FMNL2: variants seen among roughly 807,000 people sequenced by gnomAD.
FMNL2 encodes the protein formin-like protein 2.
FMNL2 carries 51 observed loss-of-function variants against 130.2 expected under a neutral mutation model. The observed-to-expected ratio is 0.39, with a 90% confidence interval of 0.31 to 0.49. The LOEUF (loss-of-function observed/expected upper bound fraction) is 0.49. FMNL2 is among the 20% of genes least tolerant of loss of function. FMNL2 has a pLI of 0.85. For missense variants in FMNL2, 977 were observed against 1,316.2 expected, an observed-to-expected ratio of 0.74 and a Z score of 3.99; for synonymous variants, 465 against 467.1, an observed-to-expected ratio of 1.00 and a Z score of 0.06.
At chr2:152,460,912 A>G (rs1218249114) in intron 1 of FMNL2, among the ~76,000 whole-genome samples, 2 of 152,204 alleles carry the variant, frequency 1.3e-5, no homozygotes, top group South Asian at 2.1e-4. Context: ...TATATATTAC[A>G]ATGTAATAAT....
chr2:152,429,076 T>G (rs1049359080), intron 1 of FMNL2, among the ~76,000 whole-genome samples: 2 of 151,942 alleles, frequency 1.3e-5, no homozygotes, highest in South Asian at 2.1e-4. Context: ...AGCTAATGGA[T>G]GCTGGGCTTA....
intron 8 of FMNL2, 69 bp downstream of exon 8, chr2:152,579,033 C>A: frequency 1.6e-6 from 2 of 1,252,512 alleles, no homozygotes; most frequent in South Asian, 2.6e-5. Context: ...CAACACTTAA[C>A]CAAGTTTGAC....
intron 4 of FMNL2, among the ~76,000 whole-genome samples, chr2:152,557,117 A>G (rs1192788613): frequency 1.3e-5 from 2 of 152,200 alleles, no homozygotes; most frequent in Non-Finnish European, 2.9e-5. Flanking sequence ...TCTAATTACT[A>G]GTATTTAAAC....
intron 1 of FMNL2, among the ~76,000 whole-genome samples, chr2:152,441,572 C>A (rs548708970): frequency 6.6e-6 from 1 of 151,474 alleles, no homozygotes; most frequent in Non-Finnish European, 1.5e-5. Context: ...CGTGGTGGTT[C>A]ATGCCTGTAA....
chr2:152,522,020 T>C lies in FMNL2; in HGVS notation c.195T>C (p.Cys65=). 6.2e-7 allele frequency: 1 copy of C among 1,609,442 alleles called. No individual in the cohort carries two copies. The highest frequency in any genetic ancestry group is 1.3e-5 in the African/African-American group (1 of 74,734). Residue 65 remains cysteine (C), a synonymous_variant, in exon 2 of 26, where the codon TGT becomes TGC. Transcript: ENST00000288670. ...YDNEKKWELI[C]DQERFQVKNP... is the part of the protein sequence containing the mutation. Reference sequence around the variant, plus strand: ...ATGAGAAAAAATGGGAACTGATTTGTGATCAGGTAAGAAACAGTGACACTT... The same window carrying C: ...ATGAGAAAAAATGGGAACTGATTTGCGATCAGGTAAGAAACAGTGACACTT...
intron 1 of FMNL2, among the ~76,000 whole-genome samples, chr2:152,367,073 G>GTT (rs1553869243): frequency 3.1e-4 from 27 of 88,222 alleles, no homozygotes; most frequent in Admixed American, 1.5e-3. Context: ...GTGTGTGTGT[G>GTT]TTTGTTTTTT....
chr2:152,441,881 G>C (rs1688069693), intron 1 of FMNL2, among the ~76,000 whole-genome samples: 1 of 151,988 alleles, frequency 6.6e-6, no homozygotes, highest in East Asian at 1.9e-4. Flanking sequence ...AGTTAAAATA[G>C]ATGAGAACTG....
intron 11 of FMNL2, among the ~76,000 whole-genome samples, 194 bp from the exon 12 acceptor site, chr2:152,614,657 C>T (rs1225162047): frequency 5.9e-5 from 9 of 152,134 alleles, no homozygotes; most frequent in Admixed American, 2.0e-4. Flanking sequence ...ACACGAGAAT[C>T]GCTTGAACCC....
At chr2:152,617,273 C>T in intron 13 of FMNL2, 81 bp downstream of exon 13, 1 of 1,270,036 alleles carries the variant, frequency 7.9e-7, no homozygotes, top group East Asian at 2.3e-5. Flanking sequence ...CGCAGAGTAC[C>T]TTCATTTCAG....
chr2:152,411,945 C>A (rs746639737), intron 1 of FMNL2, among the ~76,000 whole-genome samples: 5 of 152,090 alleles, frequency 3.3e-5, no homozygotes, highest in Admixed American at 1.3e-4. Context: ...CTTTTGTGAT[C>A]CAGGGAGGTG....
intron 20 of FMNL2, among the ~76,000 whole-genome samples, chr2:152,630,759 A>C (rs758795160): frequency 1.3e-5 from 2 of 152,268 alleles, no homozygotes; most frequent in Non-Finnish European, 2.9e-5. Flanking sequence ...TAAAAACTGG[A>C]GCATAGGAGC....
chr2:152,459,208 T>G (rs1689110019), intron 1 of FMNL2, among the ~76,000 whole-genome samples: 1 of 152,224 alleles, frequency 6.6e-6, no homozygotes, highest in African/African-American at 2.4e-5. Context: ...TGGAGAGAAC[T>G]CTCTGCTTTC....
rs1279307130 is a variant in FMNL2, at chr2:152,649,731, T to A, written c.*1826T>A. The A allele has an allele frequency of 6.5e-6, 1 of 152,682 alleles. No individual in the cohort carries two copies. Among genetic ancestry groups the A allele is most frequent in the African/African-American group, 2.4e-5 (1 of 41,468 alleles). The allele number at this position is 152,682 out of a possible 1,614,324, so 9.5% of individuals were successfully genotyped here. On this transcript the variant is annotated 3_prime_UTR_variant, in exon 26 of 26. Coordinates refer to ENST00000288670, the MANE Select transcript of FMNL2 (RefSeq NM_052905.4). ...CTGTTTGTCTATTAATGGGCCTGCT[T>A]CTTAGCAATATTAGAATGTTTTATA...
chr2:152,456,669 C>T (rs775186824), intron 1 of FMNL2, among the ~76,000 whole-genome samples: 1 of 151,982 alleles, frequency 6.6e-6, no homozygotes, highest in Non-Finnish European at 1.5e-5. Context: ...TGGGGCCGGG[C>T]GCGGTAGCTC....
chr2:152,590,044 C>CATAT (rs1196957842), intron 9 of FMNL2, among the ~76,000 whole-genome samples: 2 of 119,980 alleles, frequency 1.7e-5, no homozygotes, highest in East Asian at 2.5e-4. Flanking sequence ...CATACATATA[C>CATAT]ATATATATAT....
chr2:152,481,293 T>C (rs1218742244), intron 1 of FMNL2, among the ~76,000 whole-genome samples: 2 of 152,242 alleles, frequency 1.3e-5, no homozygotes, highest in Non-Finnish European at 2.9e-5. Context: ...ATTGAAACTA[T>C]CCAGTTTGTG....
intron 6 of FMNL2, among the ~76,000 whole-genome samples, chr2:152,561,597 G>GA (rs1695531299): frequency 6.8e-6 from 1 of 147,404 alleles, no homozygotes; most frequent in Admixed American, 6.8e-5. Context: ...TTTTGAGATG[G>GA]AATCTCGCTC....
chr2:152,632,545 GT>G (rs144585312), intron 21 of FMNL2, among the ~76,000 whole-genome samples: 17,538 of 152,112 alleles, frequency 0.12, 1,286 homozygotes, highest in African/African-American at 0.21. Flanking sequence ...CTGGACACTA[GT>G]TAAATTATTA....
intron 3 of FMNL2, among the ~76,000 whole-genome samples, chr2:152,546,741 A>C (rs1036478869): frequency 4.6e-5 from 7 of 151,688 alleles, no homozygotes; most frequent in Non-Finnish European, 1.0e-4. Context: ...AGCAGCCAGC[A>C]TATCTGGAAA....
Sources: gnomAD v4.1 joint callset for allele counts (sites outside exome capture counted in the v4.1 genomes callset) on GRCh38, gnomAD v4.1.1 for gene constraint, MANE v1.5 for transcripts, NCBI Gene and HGNC (gene_info 2026-07-23, HGNC 2026-07-21) for gene names.